The following INSYN2B variants were observed in gnomAD, a reference collection of about 807,000 sequenced individuals.
INSYN2B encodes the protein inhibitory synaptic factor family member 2B, also known as protein INSYN2B.
INSYN2B carries 16 observed loss-of-function variants against 41.2 expected under a neutral mutation model. The ratio of observed to expected loss-of-function variants is 0.39; its 90% CI spans 0.26 to 0.59. The LOEUF (loss-of-function observed/expected upper bound fraction) is 0.59, where lower values mean the gene tolerates loss of function less well. INSYN2B is among the 20% of genes least tolerant of loss of function. INSYN2B has a pLI of 0.57. For synonymous variants in INSYN2B, 245 were observed against 244.4 expected, an observed-to-expected ratio of 1.00 and a Z score of -0.02; for missense variants, 608 against 646.4, an observed-to-expected ratio of 0.94 and a Z score of 0.64.
intron 3 of INSYN2B, among the ~76,000 whole-genome samples, chr5:169,865,182 CGTT>C (rs888365421): frequency 1.3e-5 from 2 of 152,080 alleles, no homozygotes; most frequent in Admixed American, 6.6e-5. Context: ...ACCTCTTTTT[CGTT>C]GTTGTTGTTG....
intron 1 of INSYN2B, among the ~76,000 whole-genome samples, chr5:169,939,203 C>CTTTT (rs56040572): frequency 1.4e-5 from 2 of 143,724 alleles, no homozygotes; most frequent in East Asian, 4.1e-4. Flanking sequence ...TGTGCCCGGC[C>CTTTT]TTTTTTTTTT....
intron 3 of INSYN2B, among the ~76,000 whole-genome samples, chr5:169,878,613 T>G (rs1772462622): frequency 6.6e-6 from 1 of 152,256 alleles, no homozygotes; most frequent in Non-Finnish European, 1.5e-5. Context: ...AACTCAGATT[T>G]TCCCCTCTAG....
intron 1 of INSYN2B, among the ~76,000 whole-genome samples, chr5:169,941,276 C>T (rs961145017): frequency 3.3e-5 from 5 of 152,146 alleles, no homozygotes; most frequent in Non-Finnish European, 5.9e-5. Flanking sequence ...TGGATAATCT[C>T]GGCTCACTAC....
intron 1 of INSYN2B, among the ~76,000 whole-genome samples, chr5:169,893,045 A>G (rs980506115): frequency 1.3e-5 from 2 of 151,696 alleles, no homozygotes; most frequent in African/African-American, 4.9e-5. Context: ...GTTCCTCTCT[A>G]GCCCCTTCTC....
At chr5:169,941,649 C>A (rs1028128938) in intron 1 of INSYN2B, among the ~76,000 whole-genome samples, 2 of 152,136 alleles carry the variant, frequency 1.3e-5, no homozygotes, top group Non-Finnish European at 2.9e-5. Context: ...CTGTGGGGAC[C>A]GTGACGGCTC....
At chr5:169,894,873 A>G (rs757524745) in intron 1 of INSYN2B, among the ~76,000 whole-genome samples, 1 of 152,216 alleles carries the variant, frequency 6.6e-6, no homozygotes, top group Non-Finnish European at 1.5e-5. Flanking sequence ...ATTAAAAGGC[A>G]GAAGTAATAA....
chr5:169,921,419 C>T (rs1442917246), intron 1 of INSYN2B, among the ~76,000 whole-genome samples: 2 of 152,230 alleles, frequency 1.3e-5, no homozygotes, highest in African/African-American at 4.8e-5. Context: ...TTGAGGACTG[C>T]TGTGATATTC....
Position 169,961,978 on chromosome 5 carries a change from C to CAAAA in INSYN2B, c.-919+18295_-919+18298dup, listed in dbSNP as rs70979150. On this transcript the variant is annotated intron_variant, in intron 1 of 3. Transcript: ENST00000377365. ...TGGGTGAAAAAGTGAGACTCTGTCC[C>CAAAA]AAAAAAAAAAAAAAAAATGGAGAAA... is the stretch of plus-strand genomic sequence containing the variant. Among the ~76,000 whole-genome samples, 217 of 74,638 alleles carry CAAAA rather than the reference C, an allele frequency of 2.9e-3. 50 individuals are homozygous for CAAAA. Among genetic ancestry groups the CAAAA allele is most frequent in the African/African-American group, 0.012 (177 of 14,778 alleles). The allele number at this position is 74,638 out of a possible 152,430, so 49.0% of individuals were successfully genotyped here. A position where few individuals can be genotyped will look rare whatever the true frequency, so the allele number is the denominator to read the frequency against.
chr5:169,887,176 G>A (rs1773020377), intron 1 of INSYN2B, among the ~76,000 whole-genome samples: 1 of 152,158 alleles, frequency 6.6e-6, no homozygotes, highest in African/African-American at 2.4e-5. Context: ...CTAGCAAGCA[G>A]GTTTCAAACT....
At chr5:169,902,820 C>G (rs555612432) in intron 1 of INSYN2B, among the ~76,000 whole-genome samples, 1 of 152,192 alleles carries the variant, frequency 6.6e-6, no homozygotes, top group East Asian at 1.9e-4. Flanking sequence ...AGGGGTGAGG[C>G]CAGGCGTGGT....
chr5:169,867,370 A>G (rs1321560282), intron 3 of INSYN2B, among the ~76,000 whole-genome samples: 3 of 152,166 alleles, frequency 2.0e-5, no homozygotes, highest in African/African-American at 4.8e-5. Context: ...AACAAGGGCT[A>G]TGGGAGTTAT....
intron 1 of INSYN2B, among the ~76,000 whole-genome samples, chr5:169,927,087 T>G (rs897175240): frequency 3.3e-5 from 5 of 152,112 alleles, no homozygotes; most frequent in Non-Finnish European, 4.4e-5. Flanking sequence ...ATATGCTACA[T>G]GAAGAGTGGG....
Position 169,962,429 on chromosome 5 carries a change from A to G in INSYN2B, c.-919+17848T>C, listed in dbSNP as rs902757474. 3.3e-5 allele frequency among the ~76,000 whole-genome samples: 5 copies of G among 152,192 alleles called. No individual in the cohort carries two copies. In the South Asian group the frequency reaches 1.0e-3, roughly 32 times the overall value. Reference sequence around the variant, plus strand: ...GGGGAGGATGGAGGTTCCATTTCCCAAGAGAAAGAAGAGAACCAGATTTGG... The same window carrying G: ...GGGGAGGATGGAGGTTCCATTTCCCGAGAGAAAGAAGAGAACCAGATTTGG... On this transcript the variant is annotated intron_variant, in intron 1 of 3. Coordinates refer to ENST00000377365, the MANE Select transcript of INSYN2B (RefSeq NM_001129891.3).
intron 1 of INSYN2B, among the ~76,000 whole-genome samples, chr5:169,977,824 A>G (rs1015399197): frequency 1.1e-4 from 17 of 152,202 alleles, no homozygotes; most frequent in African/African-American, 4.1e-4. Context: ...TAAAATGAAT[A>G]GGTTTTAGAG....
chr5:169,938,457 G>A (rs971925820), intron 1 of INSYN2B, among the ~76,000 whole-genome samples: 2 of 152,122 alleles, frequency 1.3e-5, no homozygotes, highest in African/African-American at 4.8e-5. Context: ...TGTATAGCAT[G>A]TTACTCTCCC....
At chr5:169,977,441 C>G (rs192438417) in intron 1 of INSYN2B, among the ~76,000 whole-genome samples, 137 of 152,318 alleles carry the variant, frequency 9.0e-4, no homozygotes, top group Non-Finnish European at 1.4e-3. Context: ...CTGCTATTAT[C>G]GAGGGCTTTC....
intron 3 of INSYN2B, among the ~76,000 whole-genome samples, chr5:169,878,277 T>C (rs1401093523): frequency 1.3e-5 from 2 of 152,056 alleles, no homozygotes; most frequent in East Asian, 3.9e-4. Flanking sequence ...TCCACCTTCA[T>C]GGTTTTTGCA....
intron 1 of INSYN2B, among the ~76,000 whole-genome samples, chr5:169,897,784 T>C (rs1417529220): frequency 6.6e-6 from 1 of 152,202 alleles, no homozygotes; most frequent in Non-Finnish European, 1.5e-5. Flanking sequence ...CTCACTGCAT[T>C]CTTAGAGAGC....
At chr5:169,903,063 A>C (rs1181879944) in intron 1 of INSYN2B, among the ~76,000 whole-genome samples, 2 of 151,308 alleles carry the variant, frequency 1.3e-5, no homozygotes, top group Non-Finnish European at 2.9e-5. Context: ...ACGCCACTGT[A>C]CTCCAGCCTG....
Sources: allele counts gnomAD v4.1 joint callset (sites outside exome capture counted in the v4.1 genomes callset), GRCh38; gene constraint gnomAD v4.1.1; transcripts MANE v1.5; gene names NCBI Gene and HGNC (gene_info 2026-07-23, HGNC 2026-07-21).